KCNC2: variants seen among roughly 807,000 people sequenced by gnomAD.
KCNC2 encodes voltage-gated potassium channel KCNC2.
A neutral mutation model predicts 44.5 loss-of-function variants in KCNC2; 21 were observed. The observed-to-expected ratio is 0.47, with a 90% CI of 0.33 to 0.68. The LOEUF (loss-of-function observed/expected upper bound fraction) is 0.68, where lower values mean the gene tolerates loss of function less well. Among genes scored for constraint, KCNC2 ranks in the 30% least tolerant of loss-of-function variants. The probability of loss-of-function intolerance (pLI) is 0.01; values close to 1 mark genes in which losing one functional copy is unlikely to be tolerated. For missense variants in KCNC2, 589 were observed against 826.2 expected, an observed-to-expected ratio of 0.71 and a Z score of 3.52; for synonymous variants, 391 against 339.1, an observed-to-expected ratio of 1.15 and a Z score of -1.68.
chr12:75,076,590 G>A (rs115411903), intron 2 of KCNC2, among the ~76,000 whole-genome samples: 2,596 of 152,160 alleles, frequency 0.017, 64 homozygotes, highest in African/African-American at 0.059. Context: ...TCTTTATATA[G>A]TCAGTTTTCA....
chr12:75,070,214 C>T (rs71460118), intron 2 of KCNC2, among the ~76,000 whole-genome samples: 1 of 151,870 alleles, frequency 6.6e-6, no homozygotes, highest in Non-Finnish European at 1.5e-5. Flanking sequence ...TTTTGGGAAG[C>T]CGAGGCAGGC....
chr12:75,094,431 C>G (rs1382720897), intron 2 of KCNC2, among the ~76,000 whole-genome samples: 1 of 151,622 alleles, frequency 6.6e-6, no homozygotes, highest in Non-Finnish European at 1.5e-5. Context: ...TCATTCTGTT[C>G]TTGTATGCTT....
chr12:75,192,677 G>T (rs1267576117), intron 2 of KCNC2, among the ~76,000 whole-genome samples: 3 of 151,916 alleles, frequency 2.0e-5, no homozygotes, highest in Non-Finnish European at 4.4e-5. Flanking sequence ...ATGTATTTGG[G>T]GATCAGAATA....
At chr12:75,086,283 C>T (rs985403853) in intron 2 of KCNC2, among the ~76,000 whole-genome samples, 9 of 151,930 alleles carry the variant, frequency 5.9e-5, no homozygotes, top group African/African-American at 4.8e-5. Context: ...AGACAGTGTG[C>T]CAAATTTGTT....
At position 75,193,183 on chromosome 12, in the gene KCNC2, T is replaced by C. The variant is rs528178642; in HGVS notation, c.687+14114A>G. On this transcript the variant is annotated intron_variant, in intron 2 of 4. Transcript: ENST00000549446. Reference sequence around the variant, plus strand: ...CATATAGTCCAACTGTAGTTGAAGATAGTAAACTTATCTTCTTATCCAAAT... The same window carrying C: ...CATATAGTCCAACTGTAGTTGAAGACAGTAAACTTATCTTCTTATCCAAAT... Among the ~76,000 whole-genome samples, 27 of 152,282 alleles carry C rather than the reference T, an allele frequency of 1.8e-4. 2 individuals carry two copies. The South Asian group carries it at 5.6e-3, about 32-fold the overall frequency.
At chr12:75,190,965 T>C (rs2030147431) in intron 2 of KCNC2, among the ~76,000 whole-genome samples, 1 of 152,086 alleles carries the variant, frequency 6.6e-6, no homozygotes, top group African/African-American at 2.4e-5. Flanking sequence ...ACAATAAGTT[T>C]AAATAATATT....
At chr12:75,187,657 T>C in intron 2 of KCNC2, among the ~76,000 whole-genome samples, 1 of 152,214 alleles carries the variant, frequency 6.6e-6, no homozygotes, top group East Asian at 1.9e-4. Flanking sequence ...TTACTTGGAA[T>C]ACATTATGGA....
intron 2 of KCNC2, among the ~76,000 whole-genome samples, chr12:75,155,645 A>G (rs1410633685): frequency 3.3e-5 from 5 of 151,630 alleles, no homozygotes; most frequent in African/African-American, 1.2e-4. Context: ...GATAACAGAA[A>G]ATGAGAAGGC....
At chr12:75,183,690 A>G (rs1309793462) in intron 2 of KCNC2, among the ~76,000 whole-genome samples, 1 of 152,228 alleles carries the variant, frequency 6.6e-6, no homozygotes, top group African/African-American at 2.4e-5. Flanking sequence ...TGCAATAAAA[A>G]GGACATAAAA....
chr12:75,137,993 T>C (rs1889353198), intron 2 of KCNC2, among the ~76,000 whole-genome samples: 1 of 152,174 alleles, frequency 6.6e-6, no homozygotes, highest in Admixed American at 6.5e-5. Flanking sequence ...AAGCCCACCA[T>C]GGGAATATAG....
intron 2 of KCNC2, among the ~76,000 whole-genome samples, chr12:75,180,524 T>G (rs1892505414): frequency 6.6e-6 from 1 of 151,926 alleles, no homozygotes; most frequent in East Asian, 1.9e-4. Flanking sequence ...TTCCTTATGA[T>G]GTATATTGAT....
In KCNC2 at chr12:75,048,197, G is replaced by T. The variant is rs773066026; in HGVS notation, c.1736C>A (p.Thr579Lys). The change falls in exon 4 of 5, where the codon ACG (threonine) becomes AAG (lysine). Residue 579 changes from threonine to lysine, a missense_variant. Physicochemically the swap from Thr to Lys is moderately conservative, Grantham distance 78. Around this residue, in one of 7 missense-constraint regions of KCNC2, gnomAD observed 171 missense variants for 182.4 expected, o/e 0.94. Coordinates refer to ENST00000549446, the MANE Select transcript of KCNC2 (RefSeq NM_139137.4). Reference sequence around the variant, plus strand: ...AGAAGCACACGTGTAATCACCTGTCGTCAGTAGGAAACATGTTTCCCCTCT... The same window carrying T: ...AGAAGCACACGTGTAATCACCTGTCTTCAGTAGGAAACATGTTTCCCCTCT... ...NRRGETCFLLTTGDYTCASDG... is the reference protein window; with the variant it reads ...NRRGETCFLLKTGDYTCASDG... 10 of 1,612,844 alleles carry T rather than the reference G, an allele frequency of 6.2e-6. No individual in the cohort carries two copies. The African/African-American group carries it at 6.7e-5, about 11-fold the overall frequency.
chr12:75,065,062 A>T (rs972874715), intron 2 of KCNC2, among the ~76,000 whole-genome samples: 3 of 152,114 alleles, frequency 2.0e-5, no homozygotes, highest in Non-Finnish European at 4.4e-5. Context: ...AATAGGTGGA[A>T]GGAGAAACAA....
chr12:75,111,685 A>G (rs1223362490), intron 2 of KCNC2, among the ~76,000 whole-genome samples: 1 of 152,024 alleles, frequency 6.6e-6, no homozygotes, highest in Non-Finnish European at 1.5e-5. Context: ...GAAGCCATGC[A>G]TTAAAATAGA....
chr12:75,173,860 T>G (rs1179363939), intron 2 of KCNC2, among the ~76,000 whole-genome samples: 1 of 151,890 alleles, frequency 6.6e-6, no homozygotes, highest in Admixed American at 6.6e-5. Context: ...AAAAATCGGC[T>G]CCTTGATTTG....
At chr12:75,051,660 A>G (rs1350609051) in intron 2 of KCNC2, among the ~76,000 whole-genome samples, 1 of 152,162 alleles carries the variant, frequency 6.6e-6, no homozygotes, top group Non-Finnish European at 1.5e-5. Context: ...AAAACAAAAG[A>G]GAAATTTAGA....
chr12:75,076,551 C>G (rs993364748), intron 2 of KCNC2, among the ~76,000 whole-genome samples: 3 of 152,158 alleles, frequency 2.0e-5, no homozygotes, highest in Non-Finnish European at 4.4e-5. Context: ...GGATTACAGG[C>G]GTGAGCCACC....
At chr12:75,072,671 A>G (rs962464890) in intron 2 of KCNC2, among the ~76,000 whole-genome samples, 8 of 152,118 alleles carry the variant, frequency 5.3e-5, no homozygotes, top group African/African-American at 1.9e-4. Context: ...ACTTTTCAGG[A>G]GCTCTTTTAT....
chr12:75,188,285 G>A (rs950154161), intron 2 of KCNC2, among the ~76,000 whole-genome samples: 1 of 152,154 alleles, frequency 6.6e-6, no homozygotes, highest in African/African-American at 2.4e-5. Context: ...GGAAAATTTT[G>A]TGTATAGGAC....
Sources: allele counts gnomAD v4.1 joint callset (sites outside exome capture counted in the v4.1 genomes callset), GRCh38; gene constraint gnomAD v4.1.1; regional missense constraint gnomAD v4.1.1; transcripts MANE v1.5; gene names NCBI Gene and HGNC (gene_info 2026-07-23, HGNC 2026-07-21).